The following EP400 variants were observed in gnomAD, a reference collection of about 807,000 sequenced individuals.
EP400 encodes E1A binding protein p400.
Under a neutral mutation model 354.1 loss-of-function variants are expected in EP400, and 105 were observed. That is an observed-to-expected ratio of 0.30 (90% confidence interval 0.25 to 0.35). The LOEUF (loss-of-function observed/expected upper bound fraction) is 0.35, where lower values mean the gene tolerates loss of function less well. Ranked by LOEUF, EP400 falls within the 10% of genes least tolerant of loss-of-function variation. The probability of loss-of-function intolerance (pLI) is 1.00; values close to 1 mark genes in which losing one functional copy is unlikely to be tolerated. For missense variants in EP400, 3,280 were observed against 4,121.0 expected (o/e 0.80, Z 5.59); for synonymous variants, 1,646 against 1,716.9 (o/e 0.96, Z 1.02).
chr12:132,076,612 G>A lies in EP400; in HGVS notation c.9099+19G>A, dbSNP rs368328260. 5 of 1,593,692 alleles carry A rather than the reference G, an allele frequency of 3.1e-6. No individual in the cohort carries two copies. The African/African-American group carries it at 6.7e-5, about 22-fold the overall frequency. ...CCAGCAGGTAGGACGCATAGACAAA[G>A]TGGAAACCTCACATTTCCCAGGTCA... On this transcript the variant is annotated intron_variant, in intron 52 of 52. Transcript: ENST00000389561.
intron 7 of EP400, among the ~76,000 whole-genome samples, chr12:131,988,576 T>C (rs1255678563): frequency 6.6e-6 from 1 of 152,202 alleles, no homozygotes; most frequent in East Asian, 1.9e-4. Flanking sequence ...TAATTTTGGC[T>C]GAGAATTTAT....
chr12:132,017,445 T>G lies in EP400; in HGVS notation c.3924-90T>G. On this transcript the variant is annotated intron_variant, in intron 19 of 52. Transcript: ENST00000389561. The surrounding 1 kb of genome is among the most constrained non-coding windows in gnomAD (Gnocchi z 5.0). ...CTAGAAAATCTGCTCCTGCCTGCCT[T>G]TCTGGAGTTGGGACAGTCGATGGTG... is the stretch of plus-strand genomic sequence containing the variant. 1 of 1,426,910 alleles carries G rather than the reference T, an allele frequency of 7.0e-7. No individual in the cohort carries two copies. Among genetic ancestry groups the G allele is most frequent in the Non-Finnish European group, 9.6e-7 (1 of 1,043,924 alleles). 88.4% of individuals were successfully genotyped at this position (1,426,910 alleles called of 1,614,324 possible).
At position 131,987,758 on chromosome 12, in the gene EP400, C is replaced by T. The variant is rs1365713655; in HGVS notation, c.2277C>T (p.Ser759=). 6.2e-7 allele frequency: 1 copy of T among 1,611,752 alleles called. No individual in the cohort carries two copies. Reference sequence around the variant, plus strand: ...AGCTGAGGAAAGCAGGTCTGTGGTCCCAGAGGCGTCTGCCAAAGCTGCAGG... The same window carrying T: ...AGCTGAGGAAAGCAGGTCTGTGGTCTCAGAGGCGTCTGCCAAAGCTGCAGG... The part of the protein sequence containing the change: ...IAELRKAGLW[S]QRRLPKLQEA... The change falls in exon 7 of 53, where the codon TCC becomes TCT. Residue 759 remains serine (S), a synonymous_variant. Coordinates refer to ENST00000389561, the MANE Select transcript of EP400 (RefSeq NM_015409.5).
At position 132,048,663 on chromosome 12, in the gene EP400, C is replaced by G. The variant is rs185181025; in HGVS notation, c.7201-1660C>G. ...TCAGCCTCCCGAGTAGCTGGGATTA[C>G]AGGTGCATGCCACCATACCCAGCTA... On this transcript the variant is annotated intron_variant, in intron 39 of 52. Coordinates refer to ENST00000389561, the MANE Select transcript of EP400 (RefSeq NM_015409.5). Among the ~76,000 whole-genome samples, 162 of 152,156 alleles carry G rather than the reference C, an allele frequency of 1.1e-3. 1 individual carries two copies. Among genetic ancestry groups the G allele is most frequent in the Middle Eastern group, 0.01 (3 of 294 alleles).
At chr12:131,977,457 G>A (rs1221857643) in intron 2 of EP400, among the ~76,000 whole-genome samples, 11 of 151,698 alleles carry the variant, frequency 7.3e-5, no homozygotes, top group Non-Finnish European at 1.5e-4. Flanking sequence ...ATGTTTGACC[G>A]GATAGGAAGT....
chr12:132,045,744 G>GGAGC lies in EP400; in HGVS notation c.7045_7048dup (p.Leu2350ArgfsTer16). ...TTCTCTAGGCTGTAAAGCAGTTACT[G>GGAGC]GAGCTGCCTTTGAACCTCACAATCG... is the stretch of plus-strand genomic sequence containing the variant. On this transcript the variant is annotated frameshift_variant, in exon 39 of 53. Transcript: ENST00000389561. LOFTEE classifies it high-confidence loss of function. The GGAGC allele has an allele frequency of 6.2e-7, 1 of 1,614,246 alleles. No homozygotes were observed. Among genetic ancestry groups the GGAGC allele is most frequent in the Non-Finnish European group, 8.5e-7 (1 of 1,180,040 alleles).
chr12:132,021,564 C>T (rs754546401), intron 23 of EP400, among the ~76,000 whole-genome samples: 18 of 152,260 alleles, frequency 1.2e-4, no homozygotes, highest in Non-Finnish European at 2.4e-4. Flanking sequence ...CCATCCAGCT[C>T]TGCTTTTCTG....
chr12:131,986,432 T>C, intron 5 of EP400, 82 bp from the exon 6 acceptor site: 1 of 1,418,356 alleles, frequency 7.1e-7, no homozygotes, highest in East Asian at 2.3e-5. Context: ...TCTCTGGTGC[T>C]GTGGGCGCTC....
intron 2 of EP400, among the ~76,000 whole-genome samples, chr12:131,969,152 T>G (rs1317785667): frequency 6.6e-6 from 1 of 152,180 alleles, no homozygotes; most frequent in East Asian, 1.9e-4. Context: ...AACTGTAGAT[T>G]TTGCAGATGT....
chr12:131,990,178 AGCTCGG>A lies in EP400; in HGVS notation c.2550+77_2550+82del. The A allele has an allele frequency of 6.6e-7, 1 of 1,518,532 alleles. No homozygotes were observed. The highest frequency in any genetic ancestry group is 8.8e-7 in the Non-Finnish European group (1 of 1,131,430). 94.1% of individuals were successfully genotyped at this position (1,518,532 alleles called of 1,614,324 possible). ...TGGTGAGGCCACTTCCCGAGACCAG[AGCTCGG>A]GCACCTTGCTTAGGAAGCTTTCGAG... On this transcript the variant is annotated intron_variant, in intron 8 of 52. Transcript: ENST00000389561. This position sits in a 1 kb window ranked among gnomAD's most constrained non-coding sequence, Gnocchi z 4.2.
intron 1 of EP400, among the ~76,000 whole-genome samples, chr12:131,956,633 G>T (rs542385893): frequency 3.9e-5 from 6 of 152,056 alleles, no homozygotes; most frequent in Admixed American, 6.6e-5. Flanking sequence ...ACTCCTACAG[G>T]GCGTTTTTTG....
chr12:131,986,802 A>C lies in EP400; in HGVS notation c.2218A>C (p.Thr740Pro). The C allele has an allele frequency of 1.9e-6, 3 of 1,601,656 alleles. No homozygotes were observed. Among genetic ancestry groups the C allele is most frequent in the Non-Finnish European group, 2.6e-6 (3 of 1,173,112 alleles). The change falls in exon 6 of 53, where the codon ACT becomes CCT. Residue 740 changes from threonine to proline, a missense_variant. Around this residue, in one of 20 missense-constraint regions of EP400, gnomAD observed 800 missense variants for 840.0 expected, o/e 0.95. Transcript: ENST00000389561. ...TCAGGATACGCTGACAGAACAAATA[A>C]CTCTGGTAAGCATGCTTAAGAAAGT... ...SSQDTLTEQITLENQVHQRIA... is the reference protein window; with the variant it reads ...SSQDTLTEQIPLENQVHQRIA...
intron 41 of EP400, 100 bp from the exon 42 acceptor site, chr12:132,053,046 G>A (rs1895357371): frequency 1.5e-6 from 2 of 1,301,118 alleles, no homozygotes; most frequent in Non-Finnish European, 2.2e-6. Context: ...TTGGGCTGGA[G>A]CTGCCCCAGC....
intron 2 of EP400, among the ~76,000 whole-genome samples, chr12:131,975,787 G>T (rs1229415055): frequency 1.3e-5 from 2 of 152,144 alleles, no homozygotes; most frequent in African/African-American, 4.8e-5. Flanking sequence ...TTGAACTCCT[G>T]ACCTCAAGTG....
At chr12:132,046,062 G>T (rs1593371255) in intron 39 of EP400, among the ~76,000 whole-genome samples, 162 bp downstream of exon 39, 1 of 152,236 alleles carries the variant, frequency 6.6e-6, no homozygotes, top group African/African-American at 2.4e-5. Flanking sequence ...ACCCAGCGAG[G>T]TCAGGTGTCT....
Position 131,982,012 on chromosome 12 carries a change from T to C in EP400, c.1544-81T>C, listed in dbSNP as rs1264369108. 18 of 1,480,112 alleles carry C rather than the reference T, an allele frequency of 1.2e-5. 1 individual carries two copies. Among genetic ancestry groups the C allele is most frequent in the Admixed American group, 9.1e-5 (4 of 43,906 alleles). 91.7% of individuals were successfully genotyped at this position (1,480,112 alleles called of 1,614,324 possible). A position where few individuals can be genotyped will look rare whatever the true frequency, so the allele number is the denominator to read the frequency against. ...GGGTCTTGGACAAGCACTGGGGTGT[T>C]AGACGTGTCTCCTTGTGACTCATTG... On this transcript the variant is annotated intron_variant, in intron 4 of 52. Coordinates refer to ENST00000389561, the MANE Select transcript of EP400 (RefSeq NM_015409.5).
chr12:131,978,900 C>T (rs1387312577), intron 2 of EP400, among the ~76,000 whole-genome samples: 1 of 152,080 alleles, frequency 6.6e-6, no homozygotes, highest in African/African-American at 2.4e-5. Flanking sequence ...ATGTAGGGTG[C>T]TAACTATAAA....
At chr12:132,023,511 C>T (rs1593354120) in intron 23 of EP400, among the ~76,000 whole-genome samples, 1 of 151,962 alleles carries the variant, frequency 6.6e-6, no homozygotes, top group Admixed American at 6.6e-5. Flanking sequence ...TTAATAGCTT[C>T]GTTAATAATA....
chr12:132,036,663 T>C (rs1894728913), intron 30 of EP400, among the ~76,000 whole-genome samples: 1 of 152,270 alleles, frequency 6.6e-6, no homozygotes, highest in Non-Finnish European at 1.5e-5. Context: ...CCACTTTTTT[T>C]AGTGGTTCTC....
Sources: gnomAD v4.1 joint callset for allele counts (sites outside exome capture counted in the v4.1 genomes callset) on GRCh38, gnomAD v4.1.1 for gene constraint, gnomAD v4.1.1 regional missense constraint, Gnocchi (gnomAD v3.1) non-coding constraint, MANE v1.5 for transcripts, NCBI Gene and HGNC (gene_info 2026-07-23, HGNC 2026-07-21) for gene names.